Variants in TMEM232 observed in about 807,000 individuals in gnomAD.
The protein encoded by TMEM232 is transmembrane protein 232.
TMEM232 carries 80 observed loss-of-function variants against 78.8 expected under a neutral mutation model. The observed-to-expected ratio is 1.01, with a 90% CI of 0.85 to 1.22. The LOEUF is 1.22. TMEM232 is among the 50% of genes most tolerant of loss of function. The pLI is 0.00. For synonymous variants in TMEM232, 297 were observed against 254.3 expected (o/e 1.17, Z -1.60); for missense variants, 881 against 742.2 (o/e 1.19, Z -2.17).
intron 10 of TMEM232, among the ~76,000 whole-genome samples, chr5:110,585,096 T>A (rs562821649): frequency 6.6e-6 from 1 of 152,244 alleles, no homozygotes; most frequent in South Asian, 2.1e-4. Context: ...ACGATTCCCA[T>A]AAGATTCCCA....
At chr5:110,629,109 T>G (rs1439277954) in intron 5 of TMEM232, among the ~76,000 whole-genome samples, 1 of 151,962 alleles carries the variant, frequency 6.6e-6, no homozygotes, top group Non-Finnish European at 1.5e-5. Flanking sequence ...AAAAAAATAT[T>G]TAAAAGAATA....
chr5:110,714,713 A>G (rs1264111104), intron 1 of TMEM232, among the ~76,000 whole-genome samples: 1 of 152,204 alleles, frequency 6.6e-6, no homozygotes, highest in Non-Finnish European at 1.5e-5. Context: ...AGTGACTGTC[A>G]TTTAGAAAAC....
intron 12 of TMEM232, among the ~76,000 whole-genome samples, chr5:110,445,476 A>G (rs538041924): frequency 3.3e-5 from 5 of 152,254 alleles, no homozygotes; most frequent in East Asian, 1.9e-4. Flanking sequence ...TACAAAGTCA[A>G]TTGGAGTCTA....
chr5:110,658,789 G>T (rs1196117190), intron 2 of TMEM232, among the ~76,000 whole-genome samples: 1 of 152,044 alleles, frequency 6.6e-6, no homozygotes, highest in Non-Finnish European at 1.5e-5. Flanking sequence ...TACCAAAGAT[G>T]GACAAATTGC....
chr5:110,564,121 A>G (rs1776061140), intron 11 of TMEM232, among the ~76,000 whole-genome samples: 1 of 152,010 alleles, frequency 6.6e-6, no homozygotes, highest in Admixed American at 6.6e-5. Flanking sequence ...CCTACCTATT[A>G]ACATTAATTT....
chr5:110,464,559 G>T (rs1424772414), intron 12 of TMEM232, among the ~76,000 whole-genome samples: 1 of 152,148 alleles, frequency 6.6e-6, no homozygotes, highest in Non-Finnish European at 1.5e-5. Flanking sequence ...CTAGCATATG[G>T]TGTGACTTTT....
intron 12 of TMEM232, among the ~76,000 whole-genome samples, chr5:110,498,937 T>A (rs1765911478): frequency 6.6e-6 from 1 of 151,982 alleles, no homozygotes; most frequent in South Asian, 2.1e-4. Context: ...CTTCACGGAG[T>A]TACTGGAATC....
chr5:110,466,247 A>C (rs1762060316), intron 12 of TMEM232, among the ~76,000 whole-genome samples: 1 of 152,200 alleles, frequency 6.6e-6, no homozygotes, highest in Non-Finnish European at 1.5e-5. Flanking sequence ...ATTCACATAA[A>C]CCAAATTTTT....
intron 12 of TMEM232, among the ~76,000 whole-genome samples, chr5:110,458,780 G>A (rs1761169487): frequency 6.6e-6 from 1 of 152,146 alleles, no homozygotes; most frequent in Non-Finnish European, 1.5e-5. Flanking sequence ...GTTTGGAGCA[G>A]TTAAGGGAGT....
At chr5:110,547,100 A>G (rs10214174) in intron 11 of TMEM232, among the ~76,000 whole-genome samples, 6,824 of 152,188 alleles carry the variant, frequency 0.045, 548 homozygotes, top group African/African-American at 0.16. Context: ...GTAAGAAAAT[A>G]TAATTTTAAT....
intron 12 of TMEM232, among the ~76,000 whole-genome samples, chr5:110,446,778 T>C (rs1004357670): frequency 9.2e-5 from 14 of 152,104 alleles, no homozygotes; most frequent in African/African-American, 3.1e-4. Flanking sequence ...AGGGACAAAG[T>C]CTGGAGAATA....
At chr5:110,604,558 T>C (rs1781315128) in intron 10 of TMEM232, among the ~76,000 whole-genome samples, 1 of 152,178 alleles carries the variant, frequency 6.6e-6, no homozygotes, top group South Asian at 2.1e-4. Context: ...AAACTTCATA[T>C]ACACCACCCA....
chr5:110,512,261 A>G (rs973037409), intron 12 of TMEM232, among the ~76,000 whole-genome samples: 2 of 152,314 alleles, frequency 1.3e-5, no homozygotes, highest in Non-Finnish European at 1.5e-5. Flanking sequence ...GGCCTATATT[A>G]GGCATTCAAT....
intron 12 of TMEM232, among the ~76,000 whole-genome samples, chr5:110,432,916 A>C (rs1275604563): frequency 6.6e-6 from 1 of 151,810 alleles, no homozygotes; most frequent in Non-Finnish European, 1.5e-5. Flanking sequence ...TAAAGGGTTC[A>C]ATTCAACAAG....
At chr5:110,653,392 T>C (rs1037246112) in intron 2 of TMEM232, among the ~76,000 whole-genome samples, 4 of 152,222 alleles carry the variant, frequency 2.6e-5, no homozygotes, top group African/African-American at 4.8e-5. Flanking sequence ...CTGGCATATA[T>C]TCAGTGCTGT....
downstream of TMEM232, among the ~76,000 whole-genome samples, chr5:110,418,615 T>C (rs1458420005): frequency 6.6e-6 from 1 of 152,128 alleles, no homozygotes; most frequent in Non-Finnish European, 1.5e-5. Flanking sequence ...TAAAAAGGGT[T>C]ACTTTAAAAA....
intron 11 of TMEM232, among the ~76,000 whole-genome samples, chr5:110,535,218 C>T (rs1208747237): frequency 1.3e-5 from 2 of 151,948 alleles, no homozygotes; most frequent in Non-Finnish European, 2.9e-5. Flanking sequence ...CATTCCACCA[C>T]AAAAGAAGTG....
intron 12 of TMEM232, among the ~76,000 whole-genome samples, chr5:110,466,568 A>G (rs1401062292): frequency 6.6e-6 from 1 of 151,404 alleles, no homozygotes; most frequent in Admixed American, 6.6e-5. Flanking sequence ...CCCCATATCC[A>G]TTAAAGTATA....
At chr5:110,528,507 G>A (rs2149527568) in intron 12 of TMEM232, 81 bp downstream of exon 12, 15 of 1,357,732 alleles carry the variant, frequency 1.1e-5, no homozygotes, top group Non-Finnish European at 1.4e-5. Context: ...GTTAAATGAT[G>A]TGGCACATAA....
Sources: allele counts gnomAD v4.1 joint callset (sites outside exome capture counted in the v4.1 genomes callset), GRCh38; gene constraint gnomAD v4.1.1; transcripts MANE v1.5; gene names NCBI Gene and HGNC (gene_info 2026-07-23, HGNC 2026-07-21).